RBM46: variants seen among roughly 807,000 people sequenced by gnomAD.
RBM46 encodes probable RNA-binding protein 46.
Under a neutral mutation model 43.3 loss-of-function variants are expected in RBM46, and 12 were observed. That is an observed-to-expected ratio of 0.28 (90% CI 0.18 to 0.45). RBM46 has a LOEUF of 0.45. RBM46 is among the 20% of genes least tolerant of loss of function. RBM46 has a pLI of 1.00. For missense variants in RBM46, 412 were observed against 639.1 expected (o/e 0.64, Z 3.83); for synonymous variants, 205 against 207.6 (o/e 0.99, Z 0.11).
chr4:154,795,795 C>T (rs1411750329), intron 1 of RBM46, among the ~76,000 whole-genome samples: 2 of 152,028 alleles, frequency 1.3e-5, no homozygotes, highest in African/African-American at 4.8e-5. Context: ...AGGAACCTAG[C>T]ACTAATTGAA....
intron 1 of RBM46, 49 bp from the exon 2 acceptor site, chr4:154,796,693 C>T: frequency 2.4e-6 from 3 of 1,273,772 alleles, no homozygotes; most frequent in Non-Finnish European, 2.2e-6. Flanking sequence ...CTTATAGATT[C>T]TTGGTATTCT....
At chr4:154,811,657 G>GTGTGTGTGTATC (rs1314874747) in intron 4 of RBM46, among the ~76,000 whole-genome samples, 1 of 135,550 alleles carries the variant, frequency 7.4e-6, no homozygotes, top group Middle Eastern at 3.7e-3. Context: ...GGATATGTGT[G>GTGTGTGTGTATC]TGTGTGTGTG....
intron 4 of RBM46, among the ~76,000 whole-genome samples, chr4:154,809,792 G>T (rs1318572395): frequency 2.0e-5 from 3 of 151,992 alleles, no homozygotes; most frequent in Non-Finnish European, 4.4e-5. Flanking sequence ...TTTCATTCCT[G>T]CCTCATTCCA....
intron 4 of RBM46, among the ~76,000 whole-genome samples, chr4:154,805,806 G>A (rs1734879671): frequency 6.6e-6 from 1 of 151,600 alleles, no homozygotes; most frequent in Non-Finnish European, 1.5e-5. Context: ...AGGCACTTAA[G>A]CCAAACATGA....
chr4:154,799,666 A>G (rs1393602258), intron 4 of RBM46, 102 bp downstream of exon 4: 1 of 736,392 alleles, frequency 1.4e-6, no homozygotes, highest in Non-Finnish European at 2.0e-6. Context: ...AGTGGTAAGT[A>G]TGTAACATAA....
chr4:154,814,652 G>T (rs1735337618), intron 4 of RBM46, among the ~76,000 whole-genome samples: 1 of 151,848 alleles, frequency 6.6e-6, no homozygotes, highest in African/African-American at 2.4e-5. Context: ...ATGAAGACAA[G>T]AATTGTTCTG....
At chr4:154,803,310 T>G (rs1423141116) in intron 4 of RBM46, among the ~76,000 whole-genome samples, 2 of 152,148 alleles carry the variant, frequency 1.3e-5, no homozygotes, top group Non-Finnish European at 2.9e-5. Flanking sequence ...TCCTTATCCT[T>G]TTTCACTTAC....
chr4:154,821,210 G>T (rs1051480139), intron 4 of RBM46, among the ~76,000 whole-genome samples: 2 of 151,698 alleles, frequency 1.3e-5, no homozygotes, highest in Non-Finnish European at 3.0e-5. Flanking sequence ...TATTTTTACA[G>T]ATCTTAATCT....
rs368420858 is a variant in RBM46 at position 154,798,892 on chromosome 4, A to G, written c.730A>G (p.Met244Val). 95 of 1,611,970 alleles carry G rather than the reference A, an allele frequency of 5.9e-5. 1 individual carries two copies. Among genetic ancestry groups the G allele is most frequent in the Non-Finnish European group, 8.1e-5 (95 of 1,179,106 alleles). The change falls in exon 4 of 5, where the codon ATG (methionine) becomes GTG (valine). Residue 244 changes from methionine (M) to valine (V), a missense_variant. By Grantham distance (21) the Met-to-Val change is conservative (BLOSUM62 1). This residue lies in a region of RBM46 where 54 missense variants were observed against 102.5 expected (regional missense o/e 0.53). Coordinates refer to ENST00000281722, the MANE Select transcript of RBM46 (RefSeq NM_144979.5). ...RVKVLYVRNL[M>V]ISTTEETIKA... is the part of the protein sequence containing the mutation. ...TAAAGTTCTTTATGTAAGAAATTTA[A>G]TGATCTCAACTACAGAGGAAACAAT...
chr4:154,804,814 G>GTTTTTTTTTTTTTT (rs575968520), intron 4 of RBM46, among the ~76,000 whole-genome samples: 1 of 113,250 alleles, frequency 8.8e-6, no homozygotes, highest in African/African-American at 3.1e-5. Context: ...GATTAAGGTT[G>GTTTTTTTTTTTTTT]TTTTTTTTTT....
chr4:154,824,683 G>A (rs1268321995), intron 4 of RBM46, among the ~76,000 whole-genome samples: 1 of 151,904 alleles, frequency 6.6e-6, no homozygotes, highest in Non-Finnish European at 1.5e-5. Context: ...GAAAAAAAAA[G>A]CATCCTTATT....
chr4:154,791,875 G>T (rs978534985), intron 1 of RBM46, among the ~76,000 whole-genome samples: 3 of 152,014 alleles, frequency 2.0e-5, no homozygotes, highest in African/African-American at 7.2e-5. Context: ...TTTGTTGCCG[G>T]ACTTTTCCAT....
intron 1 of RBM46, among the ~76,000 whole-genome samples, chr4:154,787,779 A>T (rs1396415026): frequency 2.0e-5 from 3 of 152,184 alleles, no homozygotes; most frequent in African/African-American, 4.8e-5. Flanking sequence ...ACAATGGTTG[A>T]ACTAGTTTAC....
intron 1 of RBM46, among the ~76,000 whole-genome samples, chr4:154,782,814 T>C (rs1442775215): frequency 6.6e-6 from 1 of 152,214 alleles, no homozygotes; most frequent in Non-Finnish European, 1.5e-5. Context: ...AAAATTGGCC[T>C]GATTTTGTGT....
chr4:154,803,995 AGT>A (rs1734779697), intron 4 of RBM46, among the ~76,000 whole-genome samples: 1 of 152,150 alleles, frequency 6.6e-6, no homozygotes, highest in South Asian at 2.1e-4. Flanking sequence ...GTTGTTTAAA[AGT>A]GTGTAGCACC....
intron 1 of RBM46, among the ~76,000 whole-genome samples, chr4:154,792,266 T>C (rs1187442625): frequency 6.6e-6 from 1 of 152,184 alleles, no homozygotes; most frequent in Non-Finnish European, 1.5e-5. Context: ...ATAAATGAGA[T>C]AATGTATATA....
At chr4:154,812,700 T>C (rs1365681185) in intron 4 of RBM46, among the ~76,000 whole-genome samples, 1 of 152,206 alleles carries the variant, frequency 6.6e-6, no homozygotes, top group Admixed American at 6.5e-5. Context: ...GGCTTGCTAT[T>C]GTAGTATAAT....
At chr4:154,787,065 C>T (rs761053972) in intron 1 of RBM46, 5 of 152,084 alleles carry the variant, frequency 3.3e-5, no homozygotes, top group African/African-American at 4.8e-5. Context: ...TTTTCCTTCT[C>T]TGGAGATAGA....
intron 1 of RBM46, among the ~76,000 whole-genome samples, chr4:154,789,282 C>G (rs112465771): frequency 8.5e-5 from 13 of 152,194 alleles, no homozygotes; most frequent in South Asian, 6.2e-4. Context: ...TTCCAGTGTT[C>G]GCCCATTCAG....
Sources: gnomAD v4.1 joint callset for allele counts (sites outside exome capture counted in the v4.1 genomes callset) on GRCh38, gnomAD v4.1.1 for gene constraint, gnomAD v4.1.1 regional missense constraint, MANE v1.5 for transcripts, NCBI Gene and HGNC (gene_info 2026-07-23, HGNC 2026-07-21) for gene names.